The following TAFA5 variants were observed in gnomAD, a reference collection of about 807,000 sequenced individuals.
The protein encoded by TAFA5 is chemokine-like protein TAFA-5.
Under a neutral mutation model 15.3 loss-of-function variants are expected in TAFA5, and 6 were observed. That is an observed-to-expected ratio of 0.39 (90% CI 0.21 to 0.77). The LOEUF (loss-of-function observed/expected upper bound fraction) is 0.77. Ranked by LOEUF, TAFA5 falls within the 30% of genes least tolerant of loss-of-function variation. The pLI is 0.41. For synonymous variants in TAFA5, 103 were observed against 80.7 expected (o/e 1.28, Z -1.48); for missense variants, 161 against 193.1 (o/e 0.83, Z 0.98).
rs1245093874 is a variant in TAFA5 at position 48,724,007 on chromosome 22, T to C, written c.390+16163T>C. On this transcript the variant is annotated intron_variant, in intron 3 of 3. Transcript: ENST00000402357. ...TGGGAAACCCCTGCCCATCTGGTCATTGGTGCTGTGCAACAGGAAAGACTC... is the reference window on the plus strand; with the variant it reads ...TGGGAAACCCCTGCCCATCTGGTCACTGGTGCTGTGCAACAGGAAAGACTC... 3.9e-5 allele frequency among the ~76,000 whole-genome samples: 6 copies of C among 152,216 alleles called. No individual in the cohort carries two copies. The South Asian group carries it at 1.0e-3, about 26-fold the overall frequency.
intron 1 of TAFA5, among the ~76,000 whole-genome samples, chr22:48,535,888 GCA>G (rs1601562024): frequency 6.6e-6 from 1 of 152,180 alleles, no homozygotes; most frequent in African/African-American, 2.4e-5. Context: ...TCGTGTGTGT[GCA>G]CACAGGCTGT....
chr22:48,523,780 C>G (rs16999312), intron 1 of TAFA5, among the ~76,000 whole-genome samples: 1,919 of 152,342 alleles, frequency 0.013, 44 homozygotes, highest in African/African-American at 0.044. Flanking sequence ...CTGACCCCAA[C>G]AGCTGAAAAT....
intron 2 of TAFA5, among the ~76,000 whole-genome samples, chr22:48,649,061 C>G (rs1430773814): frequency 6.6e-6 from 1 of 152,160 alleles, no homozygotes. Flanking sequence ...GCCCCAGGGC[C>G]CACTACCTGG....
chr22:48,706,844 A>T (rs1165983749), intron 2 of TAFA5, among the ~76,000 whole-genome samples: 1 of 152,260 alleles, frequency 6.6e-6, no homozygotes, highest in Admixed American at 6.5e-5. Flanking sequence ...ATGTTAATAC[A>T]ATCAGCTTTT....
At chr22:48,493,320 T>C (rs73891021) in intron 1 of TAFA5, among the ~76,000 whole-genome samples, 5,488 of 152,298 alleles carry the variant, frequency 0.036, 343 homozygotes, top group African/African-American at 0.13. Context: ...ATCCCGTCAA[T>C]ATTGAGCTGT....
At chr22:48,599,802 C>T in intron 1 of TAFA5, among the ~76,000 whole-genome samples, 1 of 152,206 alleles carries the variant, frequency 6.6e-6, no homozygotes, top group East Asian at 1.9e-4. Flanking sequence ...TAGGGGCACC[C>T]TGTGCTATGT....
At chr22:48,691,767 G>A (rs576249908) in intron 2 of TAFA5, among the ~76,000 whole-genome samples, 16 of 152,332 alleles carry the variant, frequency 1.1e-4, no homozygotes, top group African/African-American at 3.1e-4. Context: ...GGGCACATCC[G>A]GGGAGGGCCC....
At chr22:48,619,397 C>T (rs1011958656) in intron 1 of TAFA5, among the ~76,000 whole-genome samples, 1 of 152,194 alleles carries the variant, frequency 6.6e-6, no homozygotes, top group Admixed American at 6.5e-5. Flanking sequence ...ACTCTGTCGC[C>T]CAGGCTGGAG....
At chr22:48,508,740 T>C (rs1921102627) in intron 1 of TAFA5, among the ~76,000 whole-genome samples, 1 of 152,240 alleles carries the variant, frequency 6.6e-6, no homozygotes, top group African/African-American at 2.4e-5. Context: ...TCAACACATA[T>C]ATACAAACAA....
chr22:48,545,043 G>A (rs893929091), intron 1 of TAFA5: 10 of 371,558 alleles, frequency 2.7e-5, no homozygotes, highest in Non-Finnish European at 3.8e-5. Context: ...GTCAACAGGC[G>A]GAAGGACTCT....
intron 3 of TAFA5, among the ~76,000 whole-genome samples, chr22:48,715,972 C>A (rs892413144): frequency 2.0e-5 from 3 of 152,188 alleles, no homozygotes; most frequent in African/African-American, 7.2e-5. Context: ...ATATGGCTAG[C>A]CAGTTTTCCC....
At chr22:48,570,423 A>G (rs1208185502) in intron 1 of TAFA5, among the ~76,000 whole-genome samples, 1 of 152,204 alleles carries the variant, frequency 6.6e-6, no homozygotes, top group Non-Finnish European at 1.5e-5. Flanking sequence ...GAAAGTTCCA[A>G]ATGAGAAGCA....
rs1433123030 is a variant in TAFA5 at position 48,742,230 on chromosome 22, C to T, written c.391-7609C>T. ...TCATCCTTCACCAGGCACAGCCCTG[C>T]CCCACCCCACAGGCCCCTCATCCTT... On this transcript the variant is annotated intron_variant, in intron 3 of 3. Coordinates refer to ENST00000402357, the MANE Select transcript of TAFA5 (RefSeq NM_001082967.3). The surrounding 1 kb of genome is among the most constrained non-coding windows in gnomAD (Gnocchi z 6.2). Among the ~76,000 whole-genome samples, 1 of 151,956 alleles carries T rather than the reference C, an allele frequency of 6.6e-6. No homozygotes were observed. The highest frequency in any genetic ancestry group is 1.5e-5 in the Non-Finnish European group (1 of 67,988).
chr22:48,538,049 T>C (rs112362753), intron 1 of TAFA5, among the ~76,000 whole-genome samples: 13 of 152,352 alleles, frequency 8.5e-5, no homozygotes, highest in African/African-American at 2.9e-4. Flanking sequence ...GATTCAGGTG[T>C]GGATGCTCCG....
At chr22:48,632,959 C>T (rs902444738) in intron 1 of TAFA5, among the ~76,000 whole-genome samples, 8 of 152,184 alleles carry the variant, frequency 5.3e-5, no homozygotes, top group Admixed American at 1.3e-4. Flanking sequence ...TGCAGGCGTG[C>T]ACTTCCTGGG....
At chr22:48,688,958 C>T (rs1043180040) in intron 2 of TAFA5, among the ~76,000 whole-genome samples, 2 of 146,894 alleles carry the variant, frequency 1.4e-5, no homozygotes, top group Non-Finnish European at 3.0e-5. Context: ...CACCACTGCA[C>T]TCCAGCCTGG....
At chr22:48,585,045 C>T (rs1924290887) in intron 1 of TAFA5, among the ~76,000 whole-genome samples, 1 of 2,280 alleles carries the variant, frequency 4.4e-4, no homozygotes, top group African/African-American at 2.0e-3. Flanking sequence ...ACCACACGCA[C>T]ACCACTCACA....
intron 1 of TAFA5, among the ~76,000 whole-genome samples, chr22:48,578,088 G>C (rs181986183): frequency 3.7e-4 from 57 of 152,364 alleles, no homozygotes; most frequent in African/African-American, 1.3e-3. Context: ...TGCTGGGCCT[G>C]TTTGTGTTCG....
chr22:48,538,953 G>A (rs1388917609), intron 1 of TAFA5: 5 of 175,836 alleles, frequency 2.8e-5, no homozygotes, highest in Non-Finnish European at 1.2e-5. Context: ...TTTATAAAGT[G>A]TGCAATAGAC....
Sources: allele counts gnomAD v4.1 joint callset (sites outside exome capture counted in the v4.1 genomes callset), GRCh38; gene constraint gnomAD v4.1.1; non-coding constraint Gnocchi (gnomAD v3.1); transcripts MANE v1.5; gene names NCBI Gene and HGNC (gene_info 2026-07-23, HGNC 2026-07-21).